The following TNFRSF1A variants were observed in gnomAD, a reference collection of about 807,000 sequenced individuals.
The protein encoded by TNFRSF1A is TNF receptor superfamily member 1A.
Under a neutral mutation model 41.6 loss-of-function variants are expected in TNFRSF1A, and 9 were observed. The observed-to-expected ratio is 0.22, with a 90% CI of 0.13 to 0.38. The LOEUF is 0.38. Among genes scored for constraint, TNFRSF1A ranks in the 10% least tolerant of loss-of-function variants. TNFRSF1A has a pLI of 1.00. For missense variants in TNFRSF1A, 463 were observed against 591.5 expected, an observed-to-expected ratio of 0.78 and a Z score of 2.25; for synonymous variants, 254 against 248.6, an observed-to-expected ratio of 1.02 and a Z score of -0.21.
intron 1 of TNFRSF1A, among the ~76,000 whole-genome samples, chr12:6,338,941 C>A (rs1948153005): frequency 1.3e-5 from 2 of 152,102 alleles, no homozygotes; most frequent in African/African-American, 4.8e-5. Flanking sequence ...AGATGCCTCA[C>A]CTCACTTCTA....
intron 7 of TNFRSF1A, 53 bp from the exon 8 acceptor site, chr12:6,330,348 G>T: frequency 1.3e-6 from 2 of 1,563,708 alleles, no homozygotes; most frequent in Non-Finnish European, 1.8e-6. Flanking sequence ...CTCAGCCCTG[G>T]CACCCTGGAC....
intron 1 of TNFRSF1A, among the ~76,000 whole-genome samples, chr12:6,335,965 A>G (rs1948115252): frequency 6.6e-6 from 1 of 152,150 alleles, no homozygotes; most frequent in Non-Finnish European, 1.5e-5. Context: ...ACCAGCCAAC[A>G]CCGTGCCACC....
chr12:6,330,815 G>C (rs1251233979), intron 6 of TNFRSF1A, 38 bp downstream of exon 6: 1 of 1,599,276 alleles, frequency 6.3e-7, no homozygotes, highest in African/African-American at 1.3e-5. Flanking sequence ...AAGAGGGAGA[G>C]GGCAGGTGAG....
At chr12:6,330,572 C>G in intron 7 of TNFRSF1A, 26 bp downstream of exon 7, 1 of 1,560,358 alleles carries the variant, frequency 6.4e-7, no homozygotes, top group Non-Finnish European at 8.8e-7. Context: ...CACCAGCTCC[C>G]TCTCCCTCCC....
chr12:6,333,349 C>T lies in TNFRSF1A; in HGVS notation c.472+18G>A, dbSNP rs778990995. 1.2e-6 allele frequency: 2 copies of T among 1,612,160 alleles called. No homozygotes were observed. Among genetic ancestry groups the T allele is most frequent in the Non-Finnish European group, 1.7e-6 (2 of 1,179,220 alleles). On this transcript the variant is annotated intron_variant, in intron 4 of 9. Transcript: ENST00000162749. The surrounding 1 kb of genome is among the most constrained non-coding windows in gnomAD (Gnocchi z 6.3). ...CTGGGGTGGGGAGAGGGCTTGGCCT[C>T]AGGAGAGCTGCGCTCACAGGAGAGG...
Position 6,333,089 on chromosome 12 carries a change from G to T in TNFRSF1A, c.531C>A (p.Asn177Lys). Residue 177 changes from asparagine to lysine, a missense_variant, in exon 5 of 10, where the codon AAC (asparagine) becomes AAA (lysine). Asn to Lys is a moderately conservative substitution (Grantham distance 94). Transcript: ENST00000162749. The surrounding 1 kb of genome is among the most constrained non-coding windows in gnomAD (Gnocchi z 6.3). The part of the protein sequence containing the change: ...TCHAGFFLRE[N>K]ECVSCSNCKK... ...CTCACTTACTACAGGAGACACACTC[G>T]TTTTCTCTTAGAAAGAAACCTGCAT... 1 of 1,614,170 alleles carries T rather than the reference G, an allele frequency of 6.2e-7. No individual in the cohort carries two copies. The highest frequency in any genetic ancestry group is 8.5e-7 in the Non-Finnish European group (1 of 1,180,004).
chr12:6,331,780 G>C (rs1030284272), intron 5 of TNFRSF1A: 2 of 168,302 alleles, frequency 1.2e-5, no homozygotes, highest in African/African-American at 2.4e-5. Context: ...GGCAGAGGCA[G>C]GTGGATCACC....
intron 1 of TNFRSF1A, among the ~76,000 whole-genome samples, chr12:6,338,676 C>T (rs1468919548): frequency 3.3e-5 from 5 of 151,578 alleles, no homozygotes; most frequent in South Asian, 2.1e-4. Context: ...ACCACCAGGA[C>T]GGAATGTAGT....
At position 6,328,956 on chromosome 12, in the gene TNFRSF1A, A is replaced by C. The variant is rs200596998; in HGVS notation, c.*356T>G. 5.1e-5 allele frequency: 15 copies of C among 293,126 alleles called. No individual in the cohort carries two copies. Among genetic ancestry groups the C allele is most frequent in the Non-Finnish European group, 1.3e-5 (2 of 159,256 alleles). 18.2% of individuals were successfully genotyped at this position (293,126 alleles called of 1,614,324 possible). ...ATTTAAAAACAAAACAAAACAAAAC[A>C]AAAACAAAAAAAACTGCTTATGCAC... On this transcript the variant is annotated 3_prime_UTR_variant, in exon 10 of 10. Coordinates refer to ENST00000162749, the MANE Select transcript of TNFRSF1A (RefSeq NM_001065.4).
chr12:6,338,025 C>T (rs1948142178), intron 1 of TNFRSF1A, among the ~76,000 whole-genome samples: 1 of 152,160 alleles, frequency 6.6e-6, no homozygotes, highest in South Asian at 2.1e-4. Context: ...CACAAGCACA[C>T]ACACCCTTAC....
At chr12:6,339,827 TCTCTCTCTCTCTCTCACACA>T (rs1371611055) in intron 1 of TNFRSF1A, among the ~76,000 whole-genome samples, 63 of 127,890 alleles carry the variant, frequency 4.9e-4, no homozygotes, top group African/African-American at 2.9e-3. Flanking sequence ...TCTCTCTCTC[TCTCTCTCTCTCTCTCACACA>T]CACACACACA....
At chr12:6,330,794 G>T in intron 6 of TNFRSF1A, 59 bp downstream of exon 6, 1 of 1,586,224 alleles carries the variant, frequency 6.3e-7, no homozygotes, top group Non-Finnish European at 8.7e-7. Context: ...GGATGGACGG[G>T]TGGGGGCAAG....
rs773993086 is a variant in TNFRSF1A, at chr12:6,337,427, C to T, written c.40-3183G>A. On this transcript the variant is annotated intron_variant, in intron 1 of 9. Transcript: ENST00000162749. This position sits in a 1 kb window ranked among gnomAD's most constrained non-coding sequence, Gnocchi z 4.6. ...CTGGGGCTGCAGAGTGGGGAGGCGA[C>T]GCTGAGATCGGCCTTGTGGTCTGAC... 2.0e-5 allele frequency among the ~76,000 whole-genome samples: 3 copies of T among 152,156 alleles called. No individual in the cohort carries two copies. Among genetic ancestry groups the T allele is most frequent in the South Asian group, 2.1e-4 (1 of 4,828 alleles).
At chr12:6,329,752 C>A (rs200026023) in intron 9 of TNFRSF1A, 26 bp downstream of exon 9, 35 of 1,586,808 alleles carry the variant, frequency 2.2e-5, no homozygotes, top group Non-Finnish European at 2.8e-5. Flanking sequence ...CCAGCCTCCT[C>A]GTCTCCAGCC....
chr12:6,336,119 A>G (rs1265760842), intron 1 of TNFRSF1A, among the ~76,000 whole-genome samples: 4 of 152,120 alleles, frequency 2.6e-5, no homozygotes, highest in African/African-American at 4.8e-5. Context: ...TTTGAATCCC[A>G]TCCAGGGGGC....
rs753595201 is a variant in TNFRSF1A at position 6,334,204 on chromosome 12, A to T, written c.80T>A (p.Val27Asp). Reference protein sequence around the residue: ...ELLVGIYPSGVIGLVPHLGDR... With the variant: ...ELLVGIYPSGDIGLVPHLGDR... ...CCCTAGGTGAGGGACCAGTCCAATA[A>T]CCCCTGAGGGGTATATTCCCACCAA... Residue 27 changes from valine to aspartate, a missense_variant, in exon 2 of 10, where the codon GTT (valine) becomes GAT (aspartate). Around this residue, in one of 4 missense-constraint regions of TNFRSF1A, gnomAD observed 37 missense variants for 46.5 expected, o/e 0.80. Transcript: ENST00000162749. The surrounding 1 kb of genome is among the most constrained non-coding windows in gnomAD (Gnocchi z 5.1). 61 of 1,613,870 alleles carry T rather than the reference A, an allele frequency of 3.8e-5. No homozygotes were observed. Among genetic ancestry groups the T allele is most frequent in the Non-Finnish European group, 5.1e-5 (60 of 1,179,910 alleles).
intron 7 of TNFRSF1A, 97 bp downstream of exon 7, chr12:6,330,501 G>C: frequency 1.9e-6 from 2 of 1,062,414 alleles, no homozygotes. Flanking sequence ...TGAACTGAGG[G>C]GACACTCCTC....
At position 6,334,287 on chromosome 12, in the gene TNFRSF1A, G is replaced by A. The variant is rs1424190340; in HGVS notation, c.40-43C>T. The stretch of plus-strand genomic sequence containing the variant: ...AGAGGAGACACCATCAAGAGAGGGA[G>A]GGATGGGAAGCTTAGGGGTAGCAGA... On this transcript the variant is annotated intron_variant, in intron 1 of 9. Coordinates refer to ENST00000162749, the MANE Select transcript of TNFRSF1A (RefSeq NM_001065.4). The surrounding 1 kb of genome is among the most constrained non-coding windows in gnomAD (Gnocchi z 5.1). The A allele has an allele frequency of 3.8e-6, 6 of 1,585,630 alleles. No homozygotes were observed. Among genetic ancestry groups the A allele is most frequent in the Non-Finnish European group, 4.3e-6 (5 of 1,158,178 alleles).
At chr12:6,340,291 A>G (rs1463571539) in intron 1 of TNFRSF1A, among the ~76,000 whole-genome samples, 1 of 152,234 alleles carries the variant, frequency 6.6e-6, no homozygotes, top group Non-Finnish European at 1.5e-5. Flanking sequence ...TCAATCTTCA[A>G]AACAACAGTA....
Sources: allele counts gnomAD v4.1 joint callset (sites outside exome capture counted in the v4.1 genomes callset), GRCh38; gene constraint gnomAD v4.1.1; regional missense constraint gnomAD v4.1.1; non-coding constraint Gnocchi (gnomAD v3.1); transcripts MANE v1.5; gene names NCBI Gene and HGNC (gene_info 2026-07-23, HGNC 2026-07-21).